Variants in NALF1 observed in about 807,000 individuals in gnomAD.
NALF1 encodes family with sequence similarity 155 member A.
Under a neutral mutation model 48.4 loss-of-function variants are expected in NALF1, and 3 were observed. That is an observed-to-expected ratio of 0.06 (90% CI 0.03 to 0.16). The LOEUF is 0.16. Among genes scored for constraint, NALF1 ranks in the 10% least tolerant of loss-of-function variants. NALF1 has a pLI of 1.00. For missense variants in NALF1, 526 were observed against 571.5 expected (o/e 0.92, Z 0.81); for synonymous variants, 262 against 245.7 (o/e 1.07, Z -0.62).
chr13:107,555,439 A>ATTTTTTTTTTTTT (rs34486058), intron 1 of NALF1, among the ~76,000 whole-genome samples: 23 of 69,962 alleles, frequency 3.3e-4, no homozygotes, highest in African/African-American at 1.1e-3. Flanking sequence ...AGCCTGGCTA[A>ATTTTTTTTTTTTT]TTTTTTTTTT....
chr13:107,498,225 A>G (rs1417028437), intron 1 of NALF1, among the ~76,000 whole-genome samples: 4 of 152,196 alleles, frequency 2.6e-5, no homozygotes, highest in Non-Finnish European at 5.9e-5. Context: ...CCAGGAAAAT[A>G]TTAATCACAT....
chr13:107,846,251 G>A lies in NALF1; in HGVS notation c.915+19431C>T, dbSNP rs112980172. ...TATGGCCCTGTGTCTTTTTTCTTCC[G>A]CCATGAAACCCACCATGTTCTAGAT... On this transcript the variant is annotated intron_variant, in intron 1 of 2. Transcript: ENST00000375915. Among the ~76,000 whole-genome samples, 14 of 152,094 alleles carry A rather than the reference G, an allele frequency of 9.2e-5. 1 individual carries two copies. The highest frequency in any genetic ancestry group is 2.9e-4 in the African/African-American group (12 of 41,504).
intron 1 of NALF1, among the ~76,000 whole-genome samples, chr13:107,266,443 C>A (rs551332549): frequency 6.6e-6 from 1 of 152,340 alleles, no homozygotes; most frequent in Admixed American, 6.5e-5. Context: ...CACACCGTCA[C>A]GCAAACATTC....
chr13:107,267,380 T>TTCCAATTGGAAACATGAAAG (rs1425537894), intron 1 of NALF1, among the ~76,000 whole-genome samples: 1 of 152,014 alleles, frequency 6.6e-6, no homozygotes, highest in African/African-American at 2.4e-5. Flanking sequence ...CATGAAAGGT[T>TTCCAATTGGAAACATGAAAG]GCCAGGGAGG....
At chr13:107,636,679 T>C (rs2138453822) in intron 1 of NALF1, among the ~76,000 whole-genome samples, 1 of 152,162 alleles carries the variant, frequency 6.6e-6, no homozygotes, top group South Asian at 2.1e-4. Context: ...ATTATAGTAT[T>C]ATTTAAATCA....
rs541386093 is a variant in NALF1 at position 107,832,931 on chromosome 13, T to C, written c.915+32751A>G. On this transcript the variant is annotated intron_variant, in intron 1 of 2. Coordinates refer to ENST00000375915, the MANE Select transcript of NALF1 (RefSeq NM_001080396.3). Reference sequence around the variant, plus strand: ...ATGCCCTTGGATACACTCCAATCTCTTCTTCTTCAGCAGCACAGCGCCTGC... The same window carrying C: ...ATGCCCTTGGATACACTCCAATCTCCTCTTCTTCAGCAGCACAGCGCCTGC... Among the ~76,000 whole-genome samples the C allele has an allele frequency of 2.2e-4, 33 of 152,312 alleles. No individual in the cohort carries two copies. In the South Asian group the frequency reaches 6.8e-3, roughly 32 times the overall value.
chr13:107,175,247 C>A (rs988942781), intron 2 of NALF1, among the ~76,000 whole-genome samples: 1 of 152,058 alleles, frequency 6.6e-6, no homozygotes, highest in Admixed American at 6.6e-5. Context: ...AATATGCCCC[C>A]AGTCTCTGGG....
intron 1 of NALF1, among the ~76,000 whole-genome samples, chr13:107,753,176 A>G (rs1016511253): frequency 1.3e-5 from 2 of 152,166 alleles, no homozygotes; most frequent in African/African-American, 2.4e-5. Context: ...TTTGCTTTAG[A>G]TATCTGTCCA....
intron 1 of NALF1, among the ~76,000 whole-genome samples, chr13:107,824,655 C>T (rs2138620676): frequency 6.6e-6 from 1 of 152,306 alleles, no homozygotes; most frequent in African/African-American, 2.4e-5. Context: ...CTCTCAGCTC[C>T]ATTATGCATG....
At chr13:107,493,369 C>T (rs958194126) in intron 1 of NALF1, among the ~76,000 whole-genome samples, 4 of 152,216 alleles carry the variant, frequency 2.6e-5, no homozygotes, top group Middle Eastern at 3.4e-3. Flanking sequence ...GTAGACCAGG[C>T]TCTCTTGGGT....
intron 1 of NALF1, among the ~76,000 whole-genome samples, chr13:107,520,823 G>A (rs1876212869): frequency 6.6e-6 from 1 of 152,046 alleles, no homozygotes; most frequent in African/African-American, 2.4e-5. Flanking sequence ...TCAACACATG[G>A]GGTAAGGTGA....
chr13:107,339,499 C>T (rs1882629032), intron 1 of NALF1, among the ~76,000 whole-genome samples: 1 of 151,886 alleles, frequency 6.6e-6, no homozygotes, highest in Non-Finnish European at 1.5e-5. Flanking sequence ...GAACAAAGCC[C>T]GAGGGATAGT....
chr13:107,829,457 A>G (rs1344243585), intron 1 of NALF1, among the ~76,000 whole-genome samples: 1 of 152,176 alleles, frequency 6.6e-6, no homozygotes, highest in Non-Finnish European at 1.5e-5. Flanking sequence ...CACAATAGAA[A>G]TGAAATAACT....
intron 1 of NALF1, among the ~76,000 whole-genome samples, chr13:107,250,464 T>C (rs946526304): frequency 3.9e-5 from 6 of 152,226 alleles, no homozygotes; most frequent in Admixed American, 3.3e-4. Context: ...AGAAAGTTGA[T>C]GATCATATCT....
At chr13:107,501,304 C>G (rs1229699618) in intron 1 of NALF1, among the ~76,000 whole-genome samples, 2 of 152,122 alleles carry the variant, frequency 1.3e-5, no homozygotes, top group African/African-American at 4.8e-5. Flanking sequence ...TCCAACACCA[C>G]AGCGTGGGGG....
At chr13:107,762,820 TTA>T (rs1241190770) in intron 1 of NALF1, among the ~76,000 whole-genome samples, 1 of 152,194 alleles carries the variant, frequency 6.6e-6, no homozygotes, top group African/African-American at 2.4e-5. Flanking sequence ...AACTTTTATG[TTA>T]TGTCTTCCTT....
chr13:107,694,234 C>T (rs1241247950), intron 1 of NALF1, among the ~76,000 whole-genome samples: 3 of 152,146 alleles, frequency 2.0e-5, no homozygotes, highest in Non-Finnish European at 2.9e-5. Context: ...AGCCTCGATC[C>T]ATGTTTTCAA....
intron 1 of NALF1, among the ~76,000 whole-genome samples, chr13:107,804,451 A>C (rs1878713869): frequency 6.7e-6 from 1 of 150,132 alleles, no homozygotes; most frequent in South Asian, 2.1e-4. Flanking sequence ...TGCCACTATA[A>C]ACATGTGTCC....
intron 1 of NALF1, among the ~76,000 whole-genome samples, chr13:107,859,708 G>C (rs1880518063): frequency 6.6e-6 from 1 of 152,044 alleles, no homozygotes; most frequent in African/African-American, 2.4e-5. Flanking sequence ...TTCGAGACCA[G>C]CCTGGCCAAC....
Sources: allele counts gnomAD v4.1 joint callset (sites outside exome capture counted in the v4.1 genomes callset), GRCh38; gene constraint gnomAD v4.1.1; transcripts MANE v1.5; gene names NCBI Gene and HGNC (gene_info 2026-07-23, HGNC 2026-07-21).